The following SNX18 variants were observed in gnomAD, a reference collection of about 807,000 sequenced individuals.
SNX18 encodes sorting nexin-18.
SNX18 carries 35 observed loss-of-function variants against 48.7 expected under a neutral mutation model. That is an observed-to-expected ratio of 0.72 (90% CI 0.55 to 0.95). The LOEUF (loss-of-function observed/expected upper bound fraction) is 0.95, where lower values mean the gene tolerates loss of function less well. Ranked by LOEUF, SNX18 falls within the 40% of genes least tolerant of loss-of-function variation. The probability of loss-of-function intolerance (pLI) is 0.00; values close to 1 mark genes in which losing one functional copy is unlikely to be tolerated. For synonymous variants in SNX18, 492 were observed against 384.7 expected (o/e 1.28, Z -3.26); for missense variants, 824 against 871.0 (o/e 0.95, Z 0.68).
chr5:54,624,553 G>A, the SNX18 span, among the ~76,000 whole-genome samples: 432 of 152,252 alleles, frequency 2.8e-3, 3 homozygotes, highest in African/African-American at 0.01. Flanking sequence ...TACAAGTATC[G>A]TATTTTAGTA....
chr5:54,635,215 A>C, the SNX18 span, among the ~76,000 whole-genome samples: 1 of 151,592 alleles, frequency 6.6e-6, no homozygotes, highest in African/African-American at 2.4e-5. Flanking sequence ...AATATTCCCA[A>C]AGTAGTGCTT....
At chr5:54,626,523 CTT>C in the SNX18 span, among the ~76,000 whole-genome samples, 2 of 152,176 alleles carry the variant, frequency 1.3e-5, no homozygotes, top group Non-Finnish European at 2.9e-5. Flanking sequence ...CAGCTCTCTG[CTT>C]TGCTTCTGAT....
At chr5:54,614,744 G>A in the SNX18 span, among the ~76,000 whole-genome samples, 6 of 152,148 alleles carry the variant, frequency 3.9e-5, no homozygotes, top group African/African-American at 1.4e-4. Context: ...CTTGAGCTCA[G>A]GAGGTGGAAG....
At chr5:54,528,595 TTGA>T (rs1324282510) in intron 1 of SNX18, among the ~76,000 whole-genome samples, 1 of 152,102 alleles carries the variant, frequency 6.6e-6, no homozygotes, top group Non-Finnish European at 1.5e-5. Flanking sequence ...CATACAGTAA[TTGA>T]TAAGCAAGGT....
At chr5:54,634,050 G>A in the SNX18 span, among the ~76,000 whole-genome samples, 1 of 152,278 alleles carries the variant, frequency 6.6e-6, no homozygotes, top group African/African-American at 2.4e-5. Context: ...AGCAAAATGT[G>A]CAGTACTCTG....
At chr5:54,633,078 G>T in the SNX18 span, among the ~76,000 whole-genome samples, 6 of 152,094 alleles carry the variant, frequency 3.9e-5, no homozygotes. Flanking sequence ...GCCCAGGGTA[G>T]TATCTCTCTG....
At chr5:54,531,712 C>G (rs924521755) in intron 1 of SNX18, among the ~76,000 whole-genome samples, 2 of 152,292 alleles carry the variant, frequency 1.3e-5, no homozygotes, top group Non-Finnish European at 1.5e-5. Context: ...CCTGCCAGTG[C>G]GAGGCAGCGG....
At chr5:54,531,036 A>T (rs941715308) in intron 1 of SNX18, among the ~76,000 whole-genome samples, 1 of 151,996 alleles carries the variant, frequency 6.6e-6, no homozygotes, top group Admixed American at 6.6e-5. Context: ...TACAGGTGTG[A>T]GTCACCCTGC....
At chr5:54,573,150 T>C in the SNX18 span, among the ~76,000 whole-genome samples, 3 of 152,036 alleles carry the variant, frequency 2.0e-5, no homozygotes, top group Non-Finnish European at 4.4e-5. Flanking sequence ...TCTTGCAAAA[T>C]ATAGTAATTA....
At chr5:54,549,053 T>G (rs1762615244), downstream of SNX18, among the ~76,000 whole-genome samples, 1 of 152,244 alleles carries the variant, frequency 6.6e-6, no homozygotes. Flanking sequence ...GTATTGTTAT[T>G]TCTTATTGTT....
the SNX18 span, among the ~76,000 whole-genome samples, chr5:54,577,180 T>C: frequency 6.6e-6 from 1 of 152,090 alleles, no homozygotes; most frequent in Non-Finnish European, 1.5e-5. Context: ...ATTCCATCAG[T>C]TTTTAGCCAT....
At chr5:54,547,138 G>A (rs537421671), downstream of SNX18, among the ~76,000 whole-genome samples, 3 of 152,256 alleles carry the variant, frequency 2.0e-5, no homozygotes, top group South Asian at 6.2e-4. Context: ...GTCTAGAATG[G>A]CCTAGCCATC....
At chr5:54,635,319 G>A in the SNX18 span, among the ~76,000 whole-genome samples, 3 of 151,812 alleles carry the variant, frequency 2.0e-5, no homozygotes, top group South Asian at 4.2e-4. Flanking sequence ...CTTTGAAAAC[G>A]CCAGCTTCCC....
intron 1 of SNX18, among the ~76,000 whole-genome samples, chr5:54,532,974 A>C (rs1762278980): frequency 6.6e-6 from 1 of 152,218 alleles, no homozygotes; most frequent in Admixed American, 6.5e-5. Context: ...TTGCTGAATG[A>C]AGCTATAAGA....
At chr5:54,555,543 A>T in the SNX18 span, among the ~76,000 whole-genome samples, 1 of 152,136 alleles carries the variant, frequency 6.6e-6, no homozygotes, top group Admixed American at 6.6e-5. Context: ...TACTGTAAGA[A>T]TGAAATTGAG....
At chr5:54,531,540 A>T (rs982684381) in intron 1 of SNX18, among the ~76,000 whole-genome samples, 16 of 152,248 alleles carry the variant, frequency 1.1e-4, no homozygotes, top group South Asian at 8.3e-4. Context: ...AGTGTGGATA[A>T]TCTGTAAATT....
the SNX18 span, among the ~76,000 whole-genome samples, chr5:54,641,485 T>C: frequency 6.6e-6 from 1 of 152,088 alleles, no homozygotes; most frequent in African/African-American, 2.4e-5. Context: ...GCTGGAGCCA[T>C]TCTGCCAGGA....
the SNX18 span, among the ~76,000 whole-genome samples, chr5:54,636,461 G>A: frequency 1.1e-4 from 16 of 151,852 alleles, no homozygotes; most frequent in African/African-American, 3.6e-4. Flanking sequence ...TATGCATAAC[G>A]GAAACATCAC....
At chr5:54,575,728 C>G in the SNX18 span, among the ~76,000 whole-genome samples, 1 of 152,028 alleles carries the variant, frequency 6.6e-6, no homozygotes, top group Non-Finnish European at 1.5e-5. Flanking sequence ...ACTAGCCCCA[C>G]CCCACCATAC....
Sources: gnomAD v4.1 joint callset for allele counts (sites outside exome capture counted in the v4.1 genomes callset) on GRCh38, gnomAD v4.1.1 for gene constraint, MANE v1.5 for transcripts, NCBI Gene and HGNC (gene_info 2026-07-23, HGNC 2026-07-21) for gene names.